Variants in NAV1 observed in about 807,000 individuals in gnomAD.
The protein encoded by NAV1 is pore membrane and/or filament interacting like protein 3.
A neutral mutation model predicts 175.2 loss-of-function variants in NAV1; 18 were observed. The ratio of observed to expected loss-of-function variants is 0.10; its 90% CI spans 0.07 to 0.15. The LOEUF (loss-of-function observed/expected upper bound fraction) is 0.15. Among genes scored for constraint, NAV1 ranks in the 10% least tolerant of loss-of-function variants. The probability of loss-of-function intolerance (pLI) is 1.00; values close to 1 mark genes in which losing one functional copy is unlikely to be tolerated. For synonymous variants in NAV1, 897 were observed against 978.7 expected, an observed-to-expected ratio of 0.92 and a Z score of 1.56; for missense variants, 1,731 against 2,436.6, an observed-to-expected ratio of 0.71 and a Z score of 6.10.
chr1:201,804,007 C>A (rs1436816309), intron 16 of NAV1: 2 of 513,036 alleles, frequency 3.9e-6, no homozygotes, highest in Non-Finnish European at 7.6e-6. Flanking sequence ...AGGATATACT[C>A]AGAAGGAAAC....
intron 2 of NAV1, among the ~76,000 whole-genome samples, chr1:201,639,231 G>C (rs1396398955): frequency 3.9e-5 from 6 of 152,228 alleles, no homozygotes; most frequent in African/African-American, 1.4e-4. Flanking sequence ...GTGGGGAAGG[G>C]CTTGAGTACT....
At chr1:201,781,737 G>A (rs1571486875) in intron 5 of NAV1, among the ~76,000 whole-genome samples, 1 of 152,162 alleles carries the variant, frequency 6.6e-6, no homozygotes, top group East Asian at 1.9e-4. Flanking sequence ...TACAGCAAGA[G>A]AATTATAGTG....
At chr1:201,700,353 T>G (rs1452782941) in intron 1 of NAV1, among the ~76,000 whole-genome samples, 2 of 152,156 alleles carry the variant, frequency 1.3e-5, no homozygotes, top group Non-Finnish European at 2.9e-5. Context: ...CATCACTGGG[T>G]CATCAGAGAA....
chr1:201,712,569 C>T (rs910273151), intron 1 of NAV1, among the ~76,000 whole-genome samples: 5 of 152,164 alleles, frequency 3.3e-5, no homozygotes, highest in Non-Finnish European at 1.5e-5. Context: ...GAAAGGAGTG[C>T]ACAGACACAG....
chr1:201,570,149 A>C (rs1056760989), intron 1 of NAV1, among the ~76,000 whole-genome samples: 2 of 152,186 alleles, frequency 1.3e-5, no homozygotes, highest in East Asian at 3.8e-4. Flanking sequence ...CAAACAAAAA[A>C]ATCAGAGCAG....
At chr1:201,708,483 G>A (rs1671767116) in intron 1 of NAV1, among the ~76,000 whole-genome samples, 2 of 150,866 alleles carry the variant, frequency 1.3e-5, no homozygotes, top group Admixed American at 6.6e-5. Flanking sequence ...CTTCACTCTT[G>A]CAGCTGGACC....
At chr1:201,603,878 G>A (rs1308327921) in intron 2 of NAV1, among the ~76,000 whole-genome samples, 2 of 152,118 alleles carry the variant, frequency 1.3e-5, no homozygotes, top group Non-Finnish European at 2.9e-5. Context: ...TCATCGCATA[G>A]CCTTTCAATT....
chr1:201,808,625 G>A lies in NAV1; in HGVS notation c.4038+15G>A, dbSNP rs544709517. The A allele has an allele frequency of 5.5e-5, 88 of 1,614,212 alleles. No individual in the cohort carries two copies. Among genetic ancestry groups the A allele is most frequent in the South Asian group, 4.6e-4 (42 of 91,082 alleles). Reference sequence around the variant, plus strand: ...ACAACATGCAGGTCAGTGTCTGGGCGGACAGCTGCAGGAAAGGGAAGACCA... The same window carrying A: ...ACAACATGCAGGTCAGTGTCTGGGCAGACAGCTGCAGGAAAGGGAAGACCA... On this transcript the variant is annotated intron_variant, in intron 19 of 29. Coordinates refer to ENST00000367296, the Ensembl canonical transcript of NAV1. This position sits in a 1 kb window ranked among gnomAD's most constrained non-coding sequence, Gnocchi z 5.5.
At chr1:201,754,884 T>A (rs1277983120) in intron 3 of NAV1, among the ~76,000 whole-genome samples, 1 of 152,228 alleles carries the variant, frequency 6.6e-6, no homozygotes, top group Non-Finnish European at 1.5e-5. Flanking sequence ...CCCAATAAAT[T>A]AGCAATAAAT....
At chr1:201,684,348 A>G (rs914850290) in intron 1 of NAV1, among the ~76,000 whole-genome samples, 1 of 152,102 alleles carries the variant, frequency 6.6e-6, no homozygotes, top group African/African-American at 2.4e-5. Context: ...ATAGCTGTCT[A>G]TCTCTCCATA....
At chr1:201,768,703 T>C (rs1675372955) in intron 3 of NAV1, among the ~76,000 whole-genome samples, 1 of 149,178 alleles carries the variant, frequency 6.7e-6, no homozygotes, top group South Asian at 2.1e-4. Flanking sequence ...AAACAAGTGC[T>C]AAAGTGTAGA....
chr1:201,783,651 T>C, exon 7 of NAV1: 1 of 1,614,200 alleles, frequency 6.2e-7, no homozygotes, highest in Non-Finnish European at 8.5e-7. Flanking sequence ...GGTTTCAGTG[T>C]GCCAAAAGAG....
chr1:201,705,419 C>T (rs1671628413), intron 1 of NAV1, among the ~76,000 whole-genome samples: 1 of 152,144 alleles, frequency 6.6e-6, no homozygotes, highest in Admixed American at 6.5e-5. Context: ...GGGTATGTGT[C>T]CCCATGCAGC....
intron 3 of NAV1, among the ~76,000 whole-genome samples, chr1:201,772,989 T>C (rs181529723): frequency 0.058 from 8,571 of 147,116 alleles, 295 homozygotes; most frequent in Middle Eastern, 0.2. Flanking sequence ...GCCGAGATCA[T>C]GCCACTGTAC....
In NAV1 at chr1:201,750,433, A is replaced by G. The variant is rs1674032655; in HGVS notation, c.1227-29988A>G. Among the ~76,000 whole-genome samples, 1 of 152,082 alleles carries G rather than the reference A, an allele frequency of 6.6e-6. No individual in the cohort carries two copies. The highest frequency in any genetic ancestry group is 2.4e-5 in the African/African-American group (1 of 41,402). On this transcript the variant is annotated intron_variant, in intron 3 of 29. Transcript: ENST00000367296. The surrounding 1 kb of genome is among the most constrained non-coding windows in gnomAD (Gnocchi z 4.1). ...ACTTGGTGACTCTGCCTCCCTTTCA[A>G]ACAGAGCAGCCCTGTGTTTACCTGT... is the stretch of plus-strand genomic sequence containing the variant.
Position 201,563,228 on chromosome 1 carries a change from G to A in NAV1, c.-144+23886G>A, listed in dbSNP as rs529874802. 1.3e-4 allele frequency among the ~76,000 whole-genome samples: 20 copies of A among 152,262 alleles called. 1 individual carries two copies. In the South Asian group the frequency reaches 3.5e-3, roughly 27 times the overall value. ...GGTCACGCTCCCCCTGTGCATCCGC[G>A]GCAGCAGGAAACATTTGTCCTCAGG... On this transcript the variant is annotated intron_variant, in intron 1 of 33. Coordinates refer to the NAV1 transcript ENST00000685211.
intron 1 of NAV1, among the ~76,000 whole-genome samples, chr1:201,654,459 G>C (rs1026984059): frequency 2.2e-5 from 3 of 136,234 alleles, no homozygotes; most frequent in Admixed American, 9.1e-5. Flanking sequence ...CCCTTCTGCT[G>C]ACCTCCAATC....
chr1:201,716,479 A>G (rs910009249), intron 2 of NAV1, among the ~76,000 whole-genome samples: 3 of 152,238 alleles, frequency 2.0e-5, no homozygotes, highest in Non-Finnish European at 4.4e-5. Flanking sequence ...GCTTCGGGGC[A>G]CATCGGTTTC....
At chr1:201,593,135 C>T (rs1571836647) in intron 2 of NAV1, among the ~76,000 whole-genome samples, 1 of 152,286 alleles carries the variant, frequency 6.6e-6, no homozygotes, top group African/African-American at 2.4e-5. Context: ...GGGGCTGCAA[C>T]TGTGAGGTTG....
Sources: gnomAD v4.1 joint callset for allele counts (sites outside exome capture counted in the v4.1 genomes callset) on GRCh38, gnomAD v4.1.1 for gene constraint, Gnocchi (gnomAD v3.1) non-coding constraint, MANE v1.5 for transcripts, NCBI Gene and HGNC (gene_info 2026-07-23, HGNC 2026-07-21) for gene names.